SCAPER: variants seen among roughly 807,000 people sequenced by gnomAD.
SCAPER encodes the protein S-phase cyclin A associated protein in the ER.
Under a neutral mutation model 182.2 loss-of-function variants are expected in SCAPER, and 98 were observed. The observed-to-expected ratio is 0.54, with a 90% CI of 0.46 to 0.64. The LOEUF (loss-of-function observed/expected upper bound fraction) is 0.64. Among genes scored for constraint, SCAPER ranks in the 30% least tolerant of loss-of-function variants. The pLI is 0.00. For missense variants in SCAPER, 1,432 were observed against 1,690.0 expected, an observed-to-expected ratio of 0.85 and a Z score of 2.68; for synonymous variants, 605 against 564.6, an observed-to-expected ratio of 1.07 and a Z score of -1.01.
chr15:76,653,117 T>C (rs990416321), intron 21 of SCAPER, among the ~76,000 whole-genome samples: 1 of 151,970 alleles, frequency 6.6e-6, no homozygotes, highest in African/African-American at 2.4e-5. Flanking sequence ...TCATTCATAA[T>C]AGCCACACGA....
chr15:76,734,034 G>A (rs566968157), intron 15 of SCAPER, among the ~76,000 whole-genome samples: 22 of 152,214 alleles, frequency 1.4e-4, no homozygotes, highest in African/African-American at 5.3e-4. Context: ...AGTGTAATTT[G>A]CAACTATACA....
intron 8 of SCAPER, among the ~76,000 whole-genome samples, chr15:76,784,850 T>A (rs891749076): frequency 6.6e-6 from 1 of 152,148 alleles, no homozygotes; most frequent in Non-Finnish European, 1.5e-5. Flanking sequence ...AAACTGGATC[T>A]CTTCCTTACA....
At chr15:76,387,642 AAT>A (rs2043373504) in intron 27 of SCAPER, among the ~76,000 whole-genome samples, 1 of 152,236 alleles carries the variant, frequency 6.6e-6, no homozygotes, top group South Asian at 2.1e-4. Flanking sequence ...GAAACTAAAA[AAT>A]AGTCACCAGT....
intron 25 of SCAPER, among the ~76,000 whole-genome samples, chr15:76,461,003 G>A (rs1255878330): frequency 1.3e-5 from 2 of 152,056 alleles, no homozygotes; most frequent in Non-Finnish European, 2.9e-5. Flanking sequence ...TGCAGTCCAG[G>A]ATCCAATCCA....
chr15:76,585,575 T>C (rs943448697), intron 22 of SCAPER, among the ~76,000 whole-genome samples: 9 of 152,166 alleles, frequency 5.9e-5, no homozygotes, highest in Admixed American at 5.9e-4. Flanking sequence ...ATGCTGACAT[T>C]TGACTGAAAA....
rs1411440216 is a variant in SCAPER at position 76,863,998 on chromosome 15, A to G, written c.7-1465T>C. Reference sequence around the variant, plus strand: ...CCTCTACCCACTGTGTGAGTGAGCCATTTTGGACATTCCAGCCCAGCTGAG... The same window carrying G: ...CCTCTACCCACTGTGTGAGTGAGCCGTTTTGGACATTCCAGCCCAGCTGAG... On this transcript the variant is annotated intron_variant, in intron 2 of 31. Coordinates refer to ENST00000563290, the MANE Select transcript of SCAPER (RefSeq NM_020843.4). Among the ~76,000 whole-genome samples, 9 of 152,120 alleles carry G rather than the reference A, an allele frequency of 5.9e-5. 1 individual carries two copies. The highest frequency in any genetic ancestry group is 2.2e-4 in the African/African-American group (9 of 41,438).
chr15:76,629,230 C>A (rs2052869795), intron 21 of SCAPER, among the ~76,000 whole-genome samples: 1 of 152,232 alleles, frequency 6.6e-6, no homozygotes, highest in Admixed American at 6.5e-5. Context: ...TTCCTCTCTT[C>A]CTATTTGAAT....
chr15:76,360,287 A>G (rs774462867), intron 29 of SCAPER, among the ~76,000 whole-genome samples: 1 of 152,240 alleles, frequency 6.6e-6, no homozygotes, highest in Admixed American at 6.5e-5. Context: ...TCAGTAGGCT[A>G]TAAAGCCCCT....
At chr15:76,879,577 T>A (rs1177277325) in intron 2 of SCAPER, among the ~76,000 whole-genome samples, 1 of 152,122 alleles carries the variant, frequency 6.6e-6, no homozygotes, top group Non-Finnish European at 1.5e-5. Flanking sequence ...CTTAAAATAA[T>A]GGCAACAGAA....
chr15:76,574,153 C>T lies in SCAPER; in HGVS notation c.2838+5G>A, dbSNP rs2047650834. 2 of 1,597,138 alleles carry T rather than the reference C, an allele frequency of 1.3e-6. No individual in the cohort carries two copies. The highest frequency in any genetic ancestry group is 1.7e-6 in the Non-Finnish European group (2 of 1,172,862). Reference sequence around the variant, plus strand: ...AGGTTCAAAAGCCAGATATTAGTTACACACCTCTTTTTCCAGTATTCTAGT... The same window carrying T: ...AGGTTCAAAAGCCAGATATTAGTTATACACCTCTTTTTCCAGTATTCTAGT... On this transcript the variant is annotated splice_donor_5th_base_variant and intron_variant, in intron 23 of 31. Transcript: ENST00000563290.
chr15:76,397,917 C>T (rs965794134), intron 27 of SCAPER, among the ~76,000 whole-genome samples: 4 of 152,156 alleles, frequency 2.6e-5, no homozygotes, highest in Non-Finnish European at 5.9e-5. Flanking sequence ...TTTAATGACG[C>T]TATTGCCGTT....
intron 15 of SCAPER, among the ~76,000 whole-genome samples, chr15:76,745,487 G>T (rs1024317740): frequency 1.7e-4 from 26 of 151,866 alleles, no homozygotes; most frequent in African/African-American, 6.0e-4. Flanking sequence ...AAACAAATTT[G>T]CCTATGGAGT....
chr15:76,775,250 A>G (rs2063679450), intron 8 of SCAPER, 133 bp from the exon 9 acceptor site: 1 of 748,150 alleles, frequency 1.3e-6, no homozygotes, highest in Non-Finnish European at 2.1e-6. Flanking sequence ...AGAGTATTAT[A>G]CAAAATGTAT....
chr15:76,897,943 G>C (rs549036314), intron 1 of SCAPER, among the ~76,000 whole-genome samples: 6 of 152,056 alleles, frequency 3.9e-5, no homozygotes, highest in Admixed American at 1.3e-4. Flanking sequence ...AATAATAAAC[G>C]TAAGTAGGAG....
intron 23 of SCAPER, among the ~76,000 whole-genome samples, chr15:76,513,873 G>A (rs533034583): frequency 1.3e-5 from 2 of 152,258 alleles, no homozygotes; most frequent in African/African-American, 4.8e-5. Context: ...AAGATCAAAT[G>A]TTGCTTCTTC....
intron 8 of SCAPER, among the ~76,000 whole-genome samples, chr15:76,781,113 C>T (rs2064101023): frequency 6.6e-6 from 1 of 152,088 alleles, no homozygotes; most frequent in African/African-American, 2.4e-5. Flanking sequence ...ATGTTCTAAC[C>T]CAACATAAGG....
At chr15:76,679,178 T>C (rs887603693) in intron 20 of SCAPER, among the ~76,000 whole-genome samples, 1 of 152,164 alleles carries the variant, frequency 6.6e-6, no homozygotes, top group Non-Finnish European at 1.5e-5. Flanking sequence ...TTAATTCATA[T>C]AAAAATGAGT....
intron 23 of SCAPER, among the ~76,000 whole-genome samples, chr15:76,512,273 ATGT>A (rs1283808107): frequency 3.3e-5 from 5 of 152,010 alleles, no homozygotes; most frequent in African/African-American, 1.2e-4. Flanking sequence ...TCTTGTTACT[ATGT>A]TTGCCTCACA....
At chr15:76,500,328 A>G (rs1440486733) in intron 24 of SCAPER, among the ~76,000 whole-genome samples, 1 of 152,254 alleles carries the variant, frequency 6.6e-6, no homozygotes, top group Non-Finnish European at 1.5e-5. Context: ...AGAACAACCT[A>G]AAGTAGCTCA....
Sources: allele counts gnomAD v4.1 joint callset (sites outside exome capture counted in the v4.1 genomes callset), GRCh38; gene constraint gnomAD v4.1.1; transcripts MANE v1.5; gene names NCBI Gene and HGNC (gene_info 2026-07-23, HGNC 2026-07-21).